TUB: variants seen among roughly 807,000 people sequenced by gnomAD.
TUB encodes TUB bipartite transcription factor, also known as tubby protein homolog.
Under a neutral mutation model 59.7 loss-of-function variants are expected in TUB, and 33 were observed. The ratio of observed to expected loss-of-function variants is 0.55; its 90% CI spans 0.42 to 0.74. TUB has a LOEUF of 0.74. TUB is among the 30% of genes least tolerant of loss of function. TUB has a pLI of 0.00. For synonymous variants in TUB, 293 were observed against 256.4 expected, an observed-to-expected ratio of 1.14 and a Z score of -1.36; for missense variants, 659 against 672.0, an observed-to-expected ratio of 0.98 and a Z score of 0.21.
chr11:8,030,087 T>C (rs1942549188), intron 1 of TUB, among the ~76,000 whole-genome samples: 1 of 152,018 alleles, frequency 6.6e-6, no homozygotes, highest in African/African-American at 2.4e-5. Flanking sequence ...GGGTGATTTA[T>C]GGTGGAGAGG....
At chr11:8,070,351 G>A (rs766743371) in intron 2 of TUB, among the ~76,000 whole-genome samples, 15 of 149,344 alleles carry the variant, frequency 1.0e-4, no homozygotes, top group Non-Finnish European at 1.9e-4. Flanking sequence ...AGTCTCATTG[G>A]TATTATTTTA....
At position 8,069,302 on chromosome 11, in the gene TUB, T is replaced by A. The variant is rs80348400; in HGVS notation, c.204-20308T>A. 5.1e-3 allele frequency: 780 copies of A among 152,012 alleles called. 11 individuals carry two copies. Among genetic ancestry groups the A allele is most frequent in the African/African-American group, 0.017 (707 of 41,456 alleles). 9.4% of individuals were successfully genotyped at this position (152,012 alleles called of 1,614,324 possible). A position where few individuals can be genotyped will look rare whatever the true frequency, so the allele number is the denominator to read the frequency against. The stretch of plus-strand genomic sequence containing the variant: ...GTCTCATAGCTCTGGAACCTCTCTT[T>A]GTCCCCTTCCAGATAACCACAGGAC... On this transcript the variant is annotated intron_variant, in intron 2 of 12. Transcript: ENST00000305253.
Position 8,033,503 on chromosome 11 carries a change from T to C in TUB, c.56+14145T>C, listed in dbSNP as rs1589922633. ...TTTGCCTGCCCCCTGAGGCAGCTCA[T>C]GGACTTCTTCAGACTCTGTAGTTCA... On this transcript the variant is annotated intron_variant, in intron 1 of 11. Transcript: ENST00000534099. Among the ~76,000 whole-genome samples, 3 of 152,250 alleles carry C rather than the reference T, an allele frequency of 2.0e-5. No homozygotes were observed. In the South Asian group the frequency reaches 6.2e-4, roughly 31 times the overall value.
chr11:8,101,203 G>A (rs946367105), intron 11 of TUB, among the ~76,000 whole-genome samples: 3 of 152,312 alleles, frequency 2.0e-5, no homozygotes, highest in East Asian at 3.9e-4. Context: ...TAGATTCTGT[G>A]TATTCAACGG....
In TUB at chr11:8,097,317, C is replaced by T. The variant is rs868123563; in HGVS notation, c.777C>T (p.Ala259=). The T allele has an allele frequency of 1.2e-6, 2 of 1,614,168 alleles. No homozygotes were observed. The highest frequency in any genetic ancestry group is 1.7e-6 in the Non-Finnish European group (2 of 1,180,036). The part of the protein sequence containing the change: ...QDLEEFALRP[A]PQGITIKCRI... ...TTGAGGAGTTTGCACTGAGGCCGGC[C>T]CCCCAGGGTATCACCATCAAATGCC... Residue 259 remains alanine (A), a synonymous_variant, in exon 7 of 12, where the codon GCC becomes GCT. Transcript: ENST00000299506.
intron 8 of TUB, 69 bp from the exon 9 acceptor site, chr11:8,098,689 G>C: frequency 8.2e-7 from 1 of 1,220,978 alleles, no homozygotes; most frequent in Non-Finnish European, 1.2e-6. Context: ...TCATAGGACA[G>C]ACGATGAGCT....
chr11:8,052,308 G>T (rs976531689), intron 2 of TUB, among the ~76,000 whole-genome samples: 2 of 152,246 alleles, frequency 1.3e-5, no homozygotes, highest in African/African-American at 4.8e-5. Context: ...AGGAACAGGG[G>T]ATGCATCTCC....
intron 2 of TUB, among the ~76,000 whole-genome samples, chr11:8,061,608 G>A (rs1943128211): frequency 6.6e-6 from 1 of 152,056 alleles, no homozygotes; most frequent in Non-Finnish European, 1.5e-5. Context: ...GGCTCAGAGG[G>A]GACAGAGATC....
chr11:8,050,687 A>G (rs1390960784), intron 2 of TUB, among the ~76,000 whole-genome samples: 1 of 152,224 alleles, frequency 6.6e-6, no homozygotes, highest in Non-Finnish European at 1.5e-5. Context: ...CTTTCCATAA[A>G]TAAAACGGCC....
chr11:8,087,418 C>T (rs567930544), intron 1 of TUB, among the ~76,000 whole-genome samples: 317 of 152,356 alleles, frequency 2.1e-3, no homozygotes, highest in African/African-American at 7.0e-3. Flanking sequence ...TGTGGAATGG[C>T]CCCTCCTGCT....
chr11:8,096,653 C>G (rs7931842), intron 5 of TUB, 32 bp from the exon 6 acceptor site: 1 of 1,456,970 alleles, frequency 6.9e-7, no homozygotes, highest in African/African-American at 1.4e-5. Flanking sequence ...ACTTCTCCTC[C>G]TTCATCCCTT....
intron 2 of TUB, chr11:8,069,156 C>T (rs1943307621): frequency 6.6e-6 from 1 of 152,192 alleles, no homozygotes. Flanking sequence ...GGTTGGAATT[C>T]AGACCCCTGG....
chr11:8,027,638 C>T (rs1316132637), intron 1 of TUB, among the ~76,000 whole-genome samples: 1 of 152,174 alleles, frequency 6.6e-6, no homozygotes, highest in East Asian at 1.9e-4. Flanking sequence ...CCTCAGCCTC[C>T]CCAGTAGCTG....
intron 2 of TUB, among the ~76,000 whole-genome samples, chr11:8,075,389 G>A (rs1424238022): frequency 1.3e-5 from 2 of 152,180 alleles, no homozygotes; most frequent in Non-Finnish European, 2.9e-5. Context: ...TTATCAGTGT[G>A]ACTTTCAGCA....
At chr11:8,023,852 T>C (rs1202217884) in intron 1 of TUB, among the ~76,000 whole-genome samples, 1 of 152,152 alleles carries the variant, frequency 6.6e-6, no homozygotes, top group Non-Finnish European at 1.5e-5. Flanking sequence ...CCATTAACCA[T>C]TTTGTCTCCA....
intron 2 of TUB, 96 bp downstream of exon 2, chr11:8,089,757 T>G (rs1943735895): frequency 6.7e-7 from 1 of 1,490,614 alleles, no homozygotes; most frequent in African/African-American, 1.4e-5. Flanking sequence ...GATGATCCCG[T>G]CTGATTGGGG....
chr11:8,093,769 T>C (rs1329290557), intron 3 of TUB, among the ~76,000 whole-genome samples: 1 of 152,150 alleles, frequency 6.6e-6, no homozygotes, highest in African/African-American at 2.4e-5. Flanking sequence ...AACTTTTGAG[T>C]GCGCACTTTG....
At chr11:8,019,466 G>T (rs947193746) in intron 1 of TUB, 6 of 1,125,094 alleles carry the variant, frequency 5.3e-6, no homozygotes, top group African/African-American at 1.6e-5. Flanking sequence ...CCGACCCCCA[G>T]GGTGGGCTTG....
intron 1 of TUB, among the ~76,000 whole-genome samples, chr11:8,028,229 C>G (rs1942526476): frequency 6.6e-6 from 1 of 152,098 alleles, no homozygotes; most frequent in Non-Finnish European, 1.5e-5. Flanking sequence ...ATTTCTTGTG[C>G]TTATCTGACC....
Sources: allele counts gnomAD v4.1 joint callset (sites outside exome capture counted in the v4.1 genomes callset), GRCh38; gene constraint gnomAD v4.1.1; transcripts MANE v1.5; gene names NCBI Gene and HGNC (gene_info 2026-07-23, HGNC 2026-07-21).